The following ATP11B variants were observed in gnomAD, a reference collection of about 807,000 sequenced individuals.
ATP11B encodes phospholipid-transporting ATPase IF.
A neutral mutation model predicts 157.8 loss-of-function variants in ATP11B; 81 were observed. The observed-to-expected ratio is 0.51, with a 90% CI of 0.43 to 0.62. The LOEUF (loss-of-function observed/expected upper bound fraction) is 0.62, where lower values mean the gene tolerates loss of function less well. ATP11B is among the 20% of genes least tolerant of loss of function. The pLI is 0.00. For missense variants in ATP11B, 1,165 were observed against 1,402.2 expected, an observed-to-expected ratio of 0.83 and a Z score of 2.70; for synonymous variants, 451 against 469.4, an observed-to-expected ratio of 0.96 and a Z score of 0.51.
At chr3:182,914,694 G>T (rs895615996) in intron 29 of ATP11B, 195 of 985,208 alleles carry the variant, frequency 2.0e-4, no homozygotes, top group Non-Finnish European at 2.3e-4. Context: ...CACCATGCCT[G>T]CTGTTGTGCA....
In ATP11B at chr3:182,842,134, T is replaced by TA. The variant is rs770571152; in HGVS notation, c.704+12_704+13insA. The stretch of plus-strand genomic sequence containing the variant: ...GAAGAAATTGTAAGGTAAGAATTAA[T>TA]TTGTGTTATCTAATTACCTTTAAAT... On this transcript the variant is annotated intron_variant, in intron 8 of 29. Transcript: ENST00000323116. The TA allele has an allele frequency of 5.0e-6, 8 of 1,585,242 alleles. No homozygotes were observed. In the African/African-American group the frequency reaches 1.1e-4, roughly 21 times the overall value.
rs570081426 is a variant in ATP11B at position 182,798,499 on chromosome 3, GC to G, written c.27+4714del. ...GAACCTAGATCTGTGAGTATGTGCT[GC>G]TTTATCTCTATTTTCAGACATATAT... On this transcript the variant is annotated intron_variant, in intron 1 of 29. Coordinates refer to ENST00000323116, the MANE Select transcript of ATP11B (RefSeq NM_014616.3). 2.1e-3 allele frequency among the ~76,000 whole-genome samples: 318 copies of G among 152,274 alleles called. 3 individuals carry two copies. The highest frequency in any genetic ancestry group is 0.01 in the Middle Eastern group (3 of 294).
chr3:182,806,013 C>T (rs1036553541), intron 1 of ATP11B, among the ~76,000 whole-genome samples: 2 of 152,072 alleles, frequency 1.3e-5, no homozygotes, highest in Admixed American at 1.3e-4. Context: ...TGCATACCAC[C>T]TCTTTCTTCT....
At chr3:182,891,216 G>A (rs1262123272) in intron 25 of ATP11B, among the ~76,000 whole-genome samples, 1 of 152,138 alleles carries the variant, frequency 6.6e-6, no homozygotes, top group East Asian at 1.9e-4. Flanking sequence ...AATTAAGAGG[G>A]GAGGAGAGTT....
At chr3:182,914,672 A>C in intron 29 of ATP11B, 1 of 985,436 alleles carries the variant, frequency 1.0e-6, no homozygotes, top group Non-Finnish European at 1.2e-6. Flanking sequence ...CTGTTTCTTG[A>C]ATGAGATTTA....
At chr3:182,905,802 AGAT>A (rs1724303399) in intron 28 of ATP11B, 4 of 456,640 alleles carry the variant, frequency 8.8e-6, no homozygotes, top group Non-Finnish European at 1.8e-5. Context: ...AGATGGAAGA[AGAT>A]AAGGGTTCAG....
intron 1 of ATP11B, among the ~76,000 whole-genome samples, chr3:182,808,666 A>G (rs1576952551): frequency 6.6e-6 from 1 of 152,162 alleles, no homozygotes; most frequent in East Asian, 1.9e-4. Context: ...GGTCAGTGTA[A>G]TCTGTGTGTT....
rs913905105 is a variant in ATP11B at position 182,836,071 on chromosome 3, G to A, written c.352G>A (p.Glu118Lys). The stretch of plus-strand genomic sequence containing the variant: ...TTGGTTACGGCATAACTCAGATAAT[G>A]AAGTAAATGGAGCTCCTGTTTATGT... Reference protein sequence around the residue: ...EDWLRHNSDNEVNGAPVYVVR... With the variant: ...EDWLRHNSDNKVNGAPVYVVR... Residue 118 changes from glutamate to lysine, a missense_variant, in exon 5 of 30, where the codon GAA (glutamate) becomes AAA (lysine). By Grantham distance (56) the Glu-to-Lys change is moderately conservative (BLOSUM62 1). Around this residue, in one of 4 missense-constraint regions of ATP11B, gnomAD observed 34 missense variants for 79.6 expected, o/e 0.43. Coordinates refer to ENST00000323116, the MANE Select transcript of ATP11B (RefSeq NM_014616.3). 2 of 1,613,422 alleles carry A rather than the reference G, an allele frequency of 1.2e-6. No individual in the cohort carries two copies. Among genetic ancestry groups the A allele is most frequent in the African/African-American group, 2.7e-5 (2 of 74,880 alleles).
At chr3:182,829,572 C>A in intron 3 of ATP11B, 100 bp from the exon 4 acceptor site, 1 of 821,974 alleles carries the variant, frequency 1.2e-6, no homozygotes, top group Non-Finnish European at 1.9e-6. Context: ...AAATCGTGAA[C>A]TAAAGTATAC....
intron 1 of ATP11B, among the ~76,000 whole-genome samples, chr3:182,808,265 A>C (rs1241467740): frequency 4.6e-5 from 7 of 152,160 alleles, no homozygotes; most frequent in Non-Finnish European, 7.4e-5. Flanking sequence ...CTATGGAGAG[A>C]CTGTAAAGTA....
intron 22 of ATP11B, among the ~76,000 whole-genome samples, chr3:182,885,478 A>G (rs553282745): frequency 2.0e-5 from 3 of 152,252 alleles, no homozygotes; most frequent in South Asian, 4.1e-4. Flanking sequence ...GCATATTGCT[A>G]TAAGATGATG....
At chr3:182,831,602 G>A (rs1355444443) in intron 4 of ATP11B, among the ~76,000 whole-genome samples, 1 of 150,724 alleles carries the variant, frequency 6.6e-6, no homozygotes, top group Non-Finnish European at 1.5e-5. Context: ...TCACTGTGCT[G>A]CAGCTACACT....
intron 1 of ATP11B, among the ~76,000 whole-genome samples, chr3:182,808,654 G>T (rs1466661538): frequency 3.9e-5 from 6 of 152,046 alleles, no homozygotes; most frequent in African/African-American, 1.4e-4. Flanking sequence ...TGAGAAAAAT[G>T]AGGTCAGTGT....
At position 182,867,464 on chromosome 3, in the gene ATP11B, T is replaced by C. The variant is rs1188932302; in HGVS notation, c.1688+20T>C. ...GGAACGGTAATTTTTTTTCATATAT[T>C]GGAATGTTTTCTGTGTTAAGTGTAT... On this transcript the variant is annotated intron_variant, in intron 15 of 29. Coordinates refer to ENST00000323116, the MANE Select transcript of ATP11B (RefSeq NM_014616.3). 2.6e-6 allele frequency: 4 copies of C among 1,518,644 alleles called. No individual in the cohort carries two copies. In the South Asian group the frequency reaches 4.5e-5, roughly 17 times the overall value. 94.1% of individuals were successfully genotyped at this position (1,518,644 alleles called of 1,614,324 possible).
chr3:182,867,788 C>T (rs1721359902), intron 15 of ATP11B, among the ~76,000 whole-genome samples: 1 of 151,988 alleles, frequency 6.6e-6, no homozygotes, highest in Admixed American at 6.6e-5. Context: ...CCAGGCTGGT[C>T]TGAAACTCCT....
At chr3:182,915,076 G>C in intron 29 of ATP11B, 1 of 985,288 alleles carries the variant, frequency 1.0e-6, no homozygotes, top group Non-Finnish European at 1.2e-6. Flanking sequence ...CTGGAAAAAG[G>C]ATTTTTATTA....
chr3:182,890,714 AGTTT>A (rs986801258), intron 25 of ATP11B, among the ~76,000 whole-genome samples: 1 of 152,130 alleles, frequency 6.6e-6, no homozygotes, highest in Non-Finnish European at 1.5e-5. Context: ...CCTTTTGTTG[AGTTT>A]GTTTCTCTAT....
At chr3:182,814,567 G>T (rs896477059) in intron 1 of ATP11B, among the ~76,000 whole-genome samples, 4 of 152,112 alleles carry the variant, frequency 2.6e-5, no homozygotes, top group African/African-American at 9.7e-5. Flanking sequence ...CAGCACTTTG[G>T]GAGATTGAGG....
Position 182,884,750 on chromosome 3 carries a change from T to C in ATP11B, c.2510-3T>C. 1.3e-6 allele frequency: 2 copies of C among 1,586,992 alleles called. No individual in the cohort carries two copies. The highest frequency in any genetic ancestry group is 2.3e-5 in the East Asian group (1 of 44,428). ...AACATGTCTTTTGTCCCTTTTATTA[T>C]AGGAATCATGGGTAAAGAAGGAAGA... is the stretch of plus-strand genomic sequence containing the variant. On this transcript the variant is annotated splice_region_variant and splice_polypyrimidine_tract_variant and intron_variant, in intron 21 of 29. Transcript: ENST00000323116.
Sources: allele counts gnomAD v4.1 joint callset (sites outside exome capture counted in the v4.1 genomes callset), GRCh38; gene constraint gnomAD v4.1.1; regional missense constraint gnomAD v4.1.1; transcripts MANE v1.5; gene names NCBI Gene and HGNC (gene_info 2026-07-23, HGNC 2026-07-21).